NFATC2: variants seen among roughly 807,000 people sequenced by gnomAD.
NFATC2 encodes nuclear factor of activated T cells 2.
A neutral mutation model predicts 87.3 loss-of-function variants in NFATC2; 22 were observed. The ratio of observed to expected loss-of-function variants is 0.25; its 90% CI spans 0.18 to 0.36. The LOEUF (loss-of-function observed/expected upper bound fraction) is 0.36. NFATC2 is among the 10% of genes least tolerant of loss of function. The pLI, the probability that NFATC2 is intolerant of heterozygous loss-of-function variation, is 1.00. For missense variants in NFATC2, 1,149 were observed against 1,259.1 expected (o/e 0.91, Z 1.32); for synonymous variants, 565 against 542.2 (o/e 1.04, Z -0.58).
At chr20:51,409,646 C>G (rs942412359) in intron 9 of NFATC2, among the ~76,000 whole-genome samples, 1 of 152,140 alleles carries the variant, frequency 6.6e-6, no homozygotes, top group Non-Finnish European at 1.5e-5. Flanking sequence ...CCAAAAGCAT[C>G]GAAGCTGAAT....
intron 9 of NFATC2, among the ~76,000 whole-genome samples, chr20:51,421,086 AAAC>A (rs1568951991): frequency 2.0e-5 from 3 of 151,680 alleles, no homozygotes; most frequent in East Asian, 2.0e-4. Flanking sequence ...AAAAAAAAAA[AAAC>A]AAAAAAAACT....
chr20:51,413,634 T>C (rs2146279857), intron 9 of NFATC2, among the ~76,000 whole-genome samples: 1 of 152,178 alleles, frequency 6.6e-6, no homozygotes, highest in South Asian at 2.1e-4. Context: ...GGCACACGCC[T>C]ATAGTCCAGC....
upstream of NFATC2, chr20:51,562,805 C>T (rs888236337): frequency 7.1e-6 from 4 of 565,138 alleles, no homozygotes; most frequent in Non-Finnish European, 9.4e-6. The surrounding 1 kb of genome is among the most constrained non-coding windows in gnomAD (Gnocchi z 5.8). Flanking sequence ...GGAGTCGGCG[C>T]GGCTCCGCGA....
At chr20:51,401,427 A>G (rs1181823065) in intron 9 of NFATC2, among the ~76,000 whole-genome samples, 1 of 152,202 alleles carries the variant, frequency 6.6e-6, no homozygotes, top group East Asian at 1.9e-4. Context: ...GATGGAAGAG[A>G]AAGAGACAAA....
At chr20:51,506,753 G>A (rs1465926471) in intron 3 of NFATC2, among the ~76,000 whole-genome samples, 4 of 149,054 alleles carry the variant, frequency 2.7e-5, no homozygotes, top group Admixed American at 2.7e-4. Context: ...TGGCTCGGGG[G>A]CCTGCGAAGT....
At chr20:51,546,521 C>T (rs1384689997), upstream of NFATC2, among the ~76,000 whole-genome samples, 2 of 152,170 alleles carry the variant, frequency 1.3e-5, no homozygotes. Context: ...TCGCTGTCAA[C>T]TTTCTCTCTA....
At chr20:51,464,042 C>A (rs1489756451) in intron 5 of NFATC2, among the ~76,000 whole-genome samples, 1 of 152,198 alleles carries the variant, frequency 6.6e-6, no homozygotes, top group East Asian at 1.9e-4. Flanking sequence ...GGCCAGATAA[C>A]TATTGGGGTT....
chr20:51,511,811 G>C (rs2076275829), intron 3 of NFATC2, among the ~76,000 whole-genome samples: 1 of 152,170 alleles, frequency 6.6e-6, no homozygotes, highest in Non-Finnish European at 1.5e-5. Context: ...GGAGAAACCT[G>C]AGTGATCTAT....
At chr20:51,549,132 C>G (rs1379728882) in intron 1 of NFATC2, among the ~76,000 whole-genome samples, 1 of 152,052 alleles carries the variant, frequency 6.6e-6, no homozygotes, top group Non-Finnish European at 1.5e-5. Flanking sequence ...AAAACCACAG[C>G]ACTTCAGCCT....
At chr20:51,409,103 G>A (rs1358667237) in intron 9 of NFATC2, among the ~76,000 whole-genome samples, 2 of 152,230 alleles carry the variant, frequency 1.3e-5, no homozygotes, top group Non-Finnish European at 2.9e-5. Flanking sequence ...AGGTTGTAGA[G>A]CAATGAATTA....
At position 51,487,358 on chromosome 20, in the gene NFATC2, A is replaced by G. The variant is rs552644067; in HGVS notation, c.1333-11698T>C. On this transcript the variant is annotated intron_variant, in intron 3 of 10. Transcript: ENST00000371564. ...CTGCGGGAGCCAGGGCAGAGAGACT[A>G]TCTGGATAAAGAGCTAATGCATGCA... Among the ~76,000 whole-genome samples, 10 of 152,348 alleles carry G rather than the reference A, an allele frequency of 6.6e-5. No homozygotes were observed. In the East Asian group the frequency reaches 1.2e-3, roughly 18 times the overall value.
chr20:51,435,381 G>A (rs755199666), intron 7 of NFATC2, 67 bp from the exon 8 acceptor site: 26 of 1,601,864 alleles, frequency 1.6e-5, no homozygotes, highest in Non-Finnish European at 1.9e-5. Flanking sequence ...GACCCTAAGC[G>A]CATCCAGGCA....
intron 6 of NFATC2, 136 bp from the exon 7 acceptor site, chr20:51,435,897 G>A (rs1030605147): frequency 1.9e-5 from 13 of 699,414 alleles, no homozygotes; most frequent in Middle Eastern, 3.0e-4. Context: ...ATATGTGCAC[G>A]TGTGTGTACA....
intron 1 of NFATC2, among the ~76,000 whole-genome samples, chr20:51,530,358 A>G (rs911787584): frequency 2.0e-5 from 3 of 152,026 alleles, no homozygotes; most frequent in African/African-American, 7.2e-5. Flanking sequence ...CAGTAGAGAC[A>G]GGGTTTCACC....
At chr20:51,527,144 T>C (rs1011162397) in intron 1 of NFATC2, among the ~76,000 whole-genome samples, 1 of 148,626 alleles carries the variant, frequency 6.7e-6, no homozygotes, top group African/African-American at 2.5e-5. Context: ...CAAGTGATCC[T>C]CCCACCTCAG....
chr20:51,507,324 A>C (rs1309653940), intron 3 of NFATC2, among the ~76,000 whole-genome samples: 1 of 151,538 alleles, frequency 6.6e-6, no homozygotes, highest in East Asian at 1.9e-4. Context: ...GTCTGTAACA[A>C]ACAGCGTGTA....
In NFATC2 at chr20:51,524,126, G is replaced by A. The variant is rs201800050; in HGVS notation, c.131-16C>T. On this transcript the variant is annotated splice_polypyrimidine_tract_variant and intron_variant, in intron 1 of 10. Transcript: ENST00000371564. This position sits in a 1 kb window ranked among gnomAD's most constrained non-coding sequence, Gnocchi z 4.0. ...TTCGGCTCTTCTGGAAAGAGAAGGG[G>A]GAAGGGGGTTCTTTTTAAGCCTCAA... The A allele has an allele frequency of 6.9e-6, 10 of 1,441,578 alleles. No individual in the cohort carries two copies. Among genetic ancestry groups the A allele is most frequent in the Admixed American group, 2.8e-5 (1 of 35,442 alleles). 89.3% of individuals were successfully genotyped at this position (1,441,578 alleles called of 1,614,324 possible). A position where few individuals can be genotyped will look rare whatever the true frequency, so the allele number is the denominator to read the frequency against.
At chr20:51,449,508 G>A (rs954727046) in intron 6 of NFATC2, among the ~76,000 whole-genome samples, 3 of 152,150 alleles carry the variant, frequency 2.0e-5, no homozygotes, top group Non-Finnish European at 2.9e-5. Context: ...TCTTGATGCC[G>A]GAAACACACT....
At position 51,523,822 on chromosome 20, in the gene NFATC2, G is replaced by A. The variant is rs926392897; in HGVS notation, c.419C>T (p.Pro140Leu). ...MRDAGLLVEQ[P>L]PLAGVAASPR... ...GCTGGCGGCCACCCCGGCCAGGGGC[G>A]GCTGCTCCACCAGGAGGCCCGCGTC... Residue 140 changes from proline to leucine, a missense_variant, in exon 2 of 11, where the codon CCG becomes CTG. Physicochemically the swap from Pro to Leu is moderately conservative, Grantham distance 98. Coordinates refer to ENST00000371564, the MANE Select transcript of NFATC2 (RefSeq NM_012340.5). This position sits in a 1 kb window ranked among gnomAD's most constrained non-coding sequence, Gnocchi z 6.9. The A allele has an allele frequency of 1.9e-6, 3 of 1,609,800 alleles. No homozygotes were observed. Among genetic ancestry groups the A allele is most frequent in the South Asian group, 1.1e-5 (1 of 90,910 alleles).
Sources: allele counts gnomAD v4.1 joint callset (sites outside exome capture counted in the v4.1 genomes callset), GRCh38; gene constraint gnomAD v4.1.1; non-coding constraint Gnocchi (gnomAD v3.1); transcripts MANE v1.5; gene names NCBI Gene and HGNC (gene_info 2026-07-23, HGNC 2026-07-21).